GRAMD1C: variants seen among roughly 807,000 people sequenced by gnomAD.
GRAMD1C encodes the protein protein Aster-C.
In GRAMD1C, 89 loss-of-function variants were observed where a neutral mutation model predicts 97.8. The ratio of observed to expected loss-of-function variants is 0.91; its 90% CI spans 0.77 to 1.09. The LOEUF is 1.09. Among genes scored for constraint, GRAMD1C ranks in the 50% least tolerant of loss-of-function variants. The pLI is 0.00. For missense variants in GRAMD1C, 740 were observed against 766.4 expected (o/e 0.97, Z 0.41); for synonymous variants, 256 against 267.0 (o/e 0.96, Z 0.40).
In GRAMD1C at chr3:113,938,299, ATTTTTAGC is replaced by A. The variant is rs1937622576; in HGVS notation, c.1691+160_1691+167del. 4 of 419,428 alleles carry A rather than the reference ATTTTTAGC, an allele frequency of 9.5e-6. No individual in the cohort carries two copies. The East Asian group carries it at 1.5e-4, about 15-fold the overall frequency. The allele number at this position is 419,428 out of a possible 1,614,324, so 26.0% of individuals were successfully genotyped here. A position where few individuals can be genotyped will look rare whatever the true frequency, so the allele number is the denominator to read the frequency against. On this transcript the variant is annotated intron_variant, in intron 15 of 17. Coordinates refer to ENST00000358160, the MANE Select transcript of GRAMD1C (RefSeq NM_017577.5). The stretch of plus-strand genomic sequence containing the variant: ...AAAATAGCAATTTTATAGGTTTCAG[ATTTTTAGC>A]TTTATATATGATTTTCAGAAGAATT...
At position 113,890,826 on chromosome 3, in the gene GRAMD1C, A is replaced by G. The variant is rs937366343; in HGVS notation, c.540+7994A>G. 19 of 679,338 alleles carry G rather than the reference A, an allele frequency of 2.8e-5. No homozygotes were observed. In the Admixed American group the frequency reaches 3.8e-4, roughly 14 times the overall value. The allele number at this position is 679,338 out of a possible 1,614,324, so 42.1% of individuals were successfully genotyped here. A position where few individuals can be genotyped will look rare whatever the true frequency, so the allele number is the denominator to read the frequency against. The stretch of plus-strand genomic sequence containing the variant: ...GAAGTGATAAAGTTCAGGTTTACAG[A>G]TGAGCCAAGGGAGAAACTAAGTTCT... On this transcript the variant is annotated intron_variant, in intron 6 of 17. Coordinates refer to ENST00000358160, the MANE Select transcript of GRAMD1C (RefSeq NM_017577.5).
chr3:113,849,298 TATTTA>T (rs1559776790), intron 2 of GRAMD1C, among the ~76,000 whole-genome samples: 1 of 149,898 alleles, frequency 6.7e-6, no homozygotes. Context: ...TTTATTTATT[TATTTA>T]TTTATTTTTT....
chr3:113,876,182 G>A lies in GRAMD1C; in HGVS notation c.381G>A (p.Lys127=), dbSNP rs200248179. ...GTGTTTAGATTTCTATTGCTTTAAA[G>A]AATATAACCTTCATGACCAAGGAAA... ...RWETTISIAL[K]NITFMTKEKT... is the part of the protein sequence containing the mutation. Residue 127 remains lysine (K), a synonymous_variant, in exon 5 of 18, where the codon AAG becomes AAA. Transcript: ENST00000358160. 90 of 1,572,408 alleles carry A rather than the reference G, an allele frequency of 5.7e-5. No homozygotes were observed. The highest frequency in any genetic ancestry group is 7.3e-5 in the Non-Finnish European group (84 of 1,144,000).
intron 6 of GRAMD1C, chr3:113,885,865 G>T (rs1935455190): frequency 1.2e-6 from 2 of 1,612,154 alleles, no homozygotes; most frequent in South Asian, 2.2e-5. Context: ...AACTCCCTAG[G>T]GGCTTACAGG....
At chr3:113,871,128 ATATT>A (rs1934794382) in intron 3 of GRAMD1C, among the ~76,000 whole-genome samples, 1 of 152,148 alleles carries the variant, frequency 6.6e-6, no homozygotes, top group Admixed American at 6.6e-5. Flanking sequence ...TGTTCAATAT[ATATT>A]TACCTCCAGA....
chr3:113,872,549 C>G (rs1462339859), intron 3 of GRAMD1C, among the ~76,000 whole-genome samples: 1 of 151,246 alleles, frequency 6.6e-6, no homozygotes, highest in East Asian at 2.0e-4. Context: ...CACACACCAC[C>G]ACGTCCGGTT....
At chr3:113,885,029 G>T (rs1354582141) in intron 6 of GRAMD1C, among the ~76,000 whole-genome samples, 2 of 149,802 alleles carry the variant, frequency 1.3e-5, no homozygotes, top group Non-Finnish European at 3.0e-5. Context: ...ACCTGTCTCG[G>T]CCCGCAACTT....
At position 113,875,989 on chromosome 3, in the gene GRAMD1C, T is replaced by A. The variant is rs1935014217; in HGVS notation, c.364-176T>A. The A allele has an allele frequency of 7.8e-6, 4 of 511,756 alleles. No individual in the cohort carries two copies. In the South Asian group the frequency reaches 1.4e-4, roughly 17 times the overall value. The allele number at this position is 511,756 out of a possible 1,614,324, so 31.7% of individuals were successfully genotyped here. A position where few individuals can be genotyped will look rare whatever the true frequency, so the allele number is the denominator to read the frequency against. ...GGAGAATACTGCAGGGCAAACTGCT[T>A]ACCCTGTTTTTCTCAGAGAATACAA... On this transcript the variant is annotated intron_variant, in intron 4 of 17. Coordinates refer to ENST00000358160, the MANE Select transcript of GRAMD1C (RefSeq NM_017577.5).
chr3:113,910,809 T>C (rs1936540686), intron 9 of GRAMD1C, among the ~76,000 whole-genome samples: 1 of 152,102 alleles, frequency 6.6e-6, no homozygotes, highest in African/African-American at 2.4e-5. Flanking sequence ...CCTCCCCAAC[T>C]GGAGGGACGA....
At chr3:113,832,654 GA>G (rs1709574225) in intron 1 of GRAMD1C, among the ~76,000 whole-genome samples, 2 of 151,996 alleles carry the variant, frequency 1.3e-5, no homozygotes, top group African/African-American at 2.4e-5. Flanking sequence ...CTATGAATTT[GA>G]CTACTCTAGG....
intron 7 of GRAMD1C, 150 bp from the exon 8 acceptor site, chr3:113,903,990 C>A: frequency 2.0e-6 from 1 of 509,046 alleles, no homozygotes; most frequent in Non-Finnish European, 3.5e-6. Context: ...AGAAGATAGC[C>A]TTGTTATAAG....
rs182122033 is a variant in GRAMD1C at position 113,904,125 on chromosome 3, A to T, written c.657-15A>T. On this transcript the variant is annotated splice_polypyrimidine_tract_variant and intron_variant, in intron 7 of 17. Transcript: ENST00000358160. ...GAGGTGACCTTATATTTCTATAATGATGTGTTTCTTACAGAAGTCCAGGAA... is the reference window on the plus strand; with the variant it reads ...GAGGTGACCTTATATTTCTATAATGTTGTGTTTCTTACAGAAGTCCAGGAA... 534 of 1,600,422 alleles carry T rather than the reference A, an allele frequency of 3.3e-4. 1 individual carries two copies. Among genetic ancestry groups the T allele is most frequent in the Non-Finnish European group, 4.1e-4 (481 of 1,168,708 alleles).
rs564081542 is a variant in GRAMD1C at position 113,854,286 on chromosome 3, A to G, written c.174+9637A>G. Among the ~76,000 whole-genome samples, 5 of 152,294 alleles carry G rather than the reference A, an allele frequency of 3.3e-5. No individual in the cohort carries two copies. In the East Asian group the frequency reaches 9.6e-4, roughly 29 times the overall value. ...GAAGTTTTGAGCAGGCATGATACTTAAAGACAGACTTATGAAGACTGGATC... is the reference window on the plus strand; with the variant it reads ...GAAGTTTTGAGCAGGCATGATACTTGAAGACAGACTTATGAAGACTGGATC... On this transcript the variant is annotated intron_variant, in intron 2 of 17. Coordinates refer to ENST00000358160, the MANE Select transcript of GRAMD1C (RefSeq NM_017577.5).
intron 1 of GRAMD1C, among the ~76,000 whole-genome samples, chr3:113,839,967 A>G (rs1313340141): frequency 2.0e-5 from 3 of 152,006 alleles, no homozygotes; most frequent in East Asian, 1.9e-4. Flanking sequence ...CACACACACC[A>G]TGAGGTTGGA....
intron 8 of GRAMD1C, among the ~76,000 whole-genome samples, chr3:113,907,638 A>T (rs7643044): frequency 0.27 from 40,521 of 152,118 alleles, 5,464 homozygotes; most frequent in South Asian, 0.38. Context: ...AGTCAAAAAT[A>T]ACTTTTTTCC....
At chr3:113,900,159 G>T (rs970263585) in intron 6 of GRAMD1C, among the ~76,000 whole-genome samples, 1 of 151,764 alleles carries the variant, frequency 6.6e-6, no homozygotes. Context: ...AGGAGTTCCA[G>T]ACCAGCCTGG....
intron 2 of GRAMD1C, among the ~76,000 whole-genome samples, chr3:113,849,476 A>G (rs988395506): frequency 9.9e-5 from 15 of 151,520 alleles, no homozygotes; most frequent in South Asian, 4.2e-4. Flanking sequence ...GGTACTTGAG[A>G]TTAGGGAGTG....
At chr3:113,889,359 A>G (rs1442782137) in intron 6 of GRAMD1C, among the ~76,000 whole-genome samples, 1 of 152,222 alleles carries the variant, frequency 6.6e-6, no homozygotes, top group East Asian at 1.9e-4. Flanking sequence ...TTCTTATGAA[A>G]TGTTTAGAAT....
rs1248225901 is a variant in GRAMD1C, at chr3:113,904,137, C to T, written c.657-3C>T. ...TATTTCTATAATGATGTGTTTCTTA[C>T]AGAAGTCCAGGAAGAAGCAGCTTGG... On this transcript the variant is annotated splice_polypyrimidine_tract_variant and splice_region_variant and intron_variant, in intron 7 of 17. Transcript: ENST00000358160. 2 of 1,606,794 alleles carry T rather than the reference C, an allele frequency of 1.2e-6. No individual in the cohort carries two copies. Among genetic ancestry groups the T allele is most frequent in the Admixed American group, 1.7e-5 (1 of 59,820 alleles).
Sources: gnomAD v4.1 joint callset for allele counts (sites outside exome capture counted in the v4.1 genomes callset) on GRCh38, gnomAD v4.1.1 for gene constraint, MANE v1.5 for transcripts, NCBI Gene and HGNC (gene_info 2026-07-23, HGNC 2026-07-21) for gene names.